Variants in ARHGEF6 observed in about 807,000 individuals in gnomAD.
ARHGEF6 encodes Rac/Cdc42 guanine nucleotide exchange factor 6, also known as rho guanine nucleotide exchange factor 6.
In ARHGEF6, 9 loss-of-function variants were observed where a neutral mutation model predicts 70.3. The observed-to-expected ratio is 0.13, with a 90% CI of 0.08 to 0.22. The LOEUF is 0.22. Ranked by LOEUF, ARHGEF6 falls within the 10% of genes least tolerant of loss-of-function variation. The pLI is 1.00. For missense variants in ARHGEF6, 470 were observed against 563.0 expected, an observed-to-expected ratio of 0.83 and a Z score of 1.67; for synonymous variants, 201 against 207.8, an observed-to-expected ratio of 0.97 and a Z score of 0.28.
intron 12 of ARHGEF6, among the ~76,000 whole-genome samples, chrX:136,684,863 C>T (rs1458336642): frequency 8.9e-6 from 1 of 111,984 alleles, no homozygotes; most frequent in Non-Finnish European, 1.9e-5. Flanking sequence ...TCCCAGCTGG[C>T]CTTTCTGCTT....
At chrX:136,711,656 G>A (rs1434858527) in intron 7 of ARHGEF6, among the ~76,000 whole-genome samples, 1 of 111,360 alleles carries the variant, frequency 9.0e-6, no homozygotes, top group Non-Finnish European at 1.9e-5. Context: ...TCCGCCTACC[G>A]AGTTCAAGCG....
intron 9 of ARHGEF6, among the ~76,000 whole-genome samples, chrX:136,695,688 C>T (rs945194347): frequency 8.9e-6 from 1 of 112,059 alleles, no homozygotes; most frequent in South Asian, 3.6e-4. Flanking sequence ...TTTATGAATT[C>T]ATCAAAGGAA....
intron 2 of ARHGEF6, among the ~76,000 whole-genome samples, chrX:136,778,593 G>A (rs1302871752): frequency 3.7e-5 from 4 of 109,276 alleles, no homozygotes; most frequent in East Asian, 2.9e-4. Flanking sequence ...GGGTTCAAGC[G>A]ATCCTCCCAC....
In ARHGEF6 at chrX:136,690,735, G is replaced by T. The variant is rs769789476; in HGVS notation, c.1060C>A (p.Gln354Lys). ...VLTQHSDELE[Q>K]FMENQGASSP... Reference sequence around the variant, plus strand: ...GATGCACCTTGATTTTCCATGAATTGTTCCAACTCATCACTAGCAAAAGAA... The same window carrying T: ...GATGCACCTTGATTTTCCATGAATTTTTCCAACTCATCACTAGCAAAAGAA... The change falls in exon 10 of 22, where the codon CAA becomes AAA. Residue 354 changes from glutamine (Q) to lysine (K), a missense_variant. Physicochemically the swap from Gln to Lys is moderately conservative, Grantham distance 53. Around this residue, in one of 3 missense-constraint regions of ARHGEF6, gnomAD observed 379 missense variants for 449.3 expected, o/e 0.84. Coordinates refer to ENST00000250617, the MANE Select transcript of ARHGEF6 (RefSeq NM_004840.3). 3 of 1,210,639 alleles carry T rather than the reference G, an allele frequency of 2.5e-6. No homozygotes were observed. Among genetic ancestry groups the T allele is most frequent in the Non-Finnish European group, 3.4e-6 (3 of 894,534 alleles).
chrX:136,673,170 T>C (rs770068016), intron 19 of ARHGEF6, among the ~76,000 whole-genome samples: 1 of 112,575 alleles, frequency 8.9e-6, no homozygotes, highest in South Asian at 3.7e-4. Flanking sequence ...ATTTAAAGTA[T>C]ATGGGAAGAT....
chrX:136,674,358 C>A (rs2076256437), intron 19 of ARHGEF6, among the ~76,000 whole-genome samples: 1 of 112,462 alleles, frequency 8.9e-6, no homozygotes, highest in South Asian at 3.7e-4. Flanking sequence ...TAATGGGAGA[C>A]AAAAGACATA....
intron 20 of ARHGEF6, among the ~76,000 whole-genome samples, chrX:136,671,618 A>G (rs1462773900): frequency 8.9e-6 from 1 of 112,337 alleles, no homozygotes; most frequent in Non-Finnish European, 1.9e-5. Context: ...GATGTCAAAA[A>G]TGTGAAAGCA....
intron 21 of ARHGEF6, 91 bp downstream of exon 21, chrX:136,669,391 C>T (rs1201433022): frequency 6.9e-6 from 6 of 866,228 alleles, no homozygotes; most frequent in African/African-American, 2.0e-5. Flanking sequence ...CGCTACCTTG[C>T]TCCTAGGCCT....
intron 3 of ARHGEF6, among the ~76,000 whole-genome samples, chrX:136,746,868 G>A (rs1393900208): frequency 9.0e-6 from 1 of 111,502 alleles, no homozygotes; most frequent in Non-Finnish European, 1.9e-5. Flanking sequence ...CCTAGATCCA[G>A]GGCAAGAGCT....
chrX:136,717,635 G>A (rs926131942), intron 6 of ARHGEF6, among the ~76,000 whole-genome samples: 9 of 111,869 alleles, frequency 8.0e-5, no homozygotes, highest in African/African-American at 2.9e-4. Context: ...TAGCAGCAAT[G>A]TATTTGATTA....
intron 6 of ARHGEF6, among the ~76,000 whole-genome samples, chrX:136,729,614 G>T (rs945025025): frequency 9.3e-6 from 1 of 108,084 alleles, no homozygotes; most frequent in Non-Finnish European, 1.9e-5. Flanking sequence ...GGCAGATAAC[G>T]AACTCAGGAG....
At chrX:136,704,762 G>A (rs947019144) in intron 9 of ARHGEF6, among the ~76,000 whole-genome samples, 2 of 111,620 alleles carry the variant, frequency 1.8e-5, no homozygotes, top group Non-Finnish European at 3.8e-5. Flanking sequence ...TCCCTCCCTC[G>A]ACATGTAGGG....
At chrX:136,720,789 G>A (rs1469300559) in intron 6 of ARHGEF6, among the ~76,000 whole-genome samples, 1 of 112,334 alleles carries the variant, frequency 8.9e-6, no homozygotes, top group African/African-American at 3.2e-5. Flanking sequence ...GAGCTAATGA[G>A]TGATTATAAC....
chrX:136,714,601 T>C (rs1196620346), intron 6 of ARHGEF6, among the ~76,000 whole-genome samples: 1 of 111,715 alleles, frequency 9.0e-6, no homozygotes, highest in Non-Finnish European at 1.9e-5. Context: ...TGTCCTTAAC[T>C]AGGAGAAGTG....
In ARHGEF6 at chrX:136,780,925, C is replaced by A; in HGVS notation, c.-43G>T. The A allele has an allele frequency of 8.3e-7, 1 of 1,210,164 alleles. No individual in the cohort carries two copies. The highest frequency in any genetic ancestry group is 3.0e-5 in the East Asian group (1 of 33,815). On this transcript the variant is annotated 5_prime_UTR_variant, in exon 1 of 22. Coordinates refer to ENST00000250617, the MANE Select transcript of ARHGEF6 (RefSeq NM_004840.3). Reference sequence around the variant, plus strand: ...TCCAAACAGCACTCTGGGGCAGCTGCAAGGACTAAGCCACATCCGCGATTG... The same window carrying A: ...TCCAAACAGCACTCTGGGGCAGCTGAAAGGACTAAGCCACATCCGCGATTG...
chrX:136,746,086 C>T (rs2077092954), intron 3 of ARHGEF6, among the ~76,000 whole-genome samples: 1 of 111,949 alleles, frequency 8.9e-6, no homozygotes, highest in Non-Finnish European at 1.9e-5. Flanking sequence ...AAGTCTAAAG[C>T]CCAAACATTC....
rs1569394866 is a variant in ARHGEF6 at position 136,688,006 on chromosome X, C to T, written c.1186-15G>A. 8.6e-7 allele frequency: 1 copy of T among 1,169,004 alleles called. No individual in the cohort carries two copies. The highest frequency in any genetic ancestry group is 3.0e-5 in the East Asian group (1 of 33,683). ...GGATGAGTATCCTATCAAAGGAATA[C>T]ATTTGAAAACAATGTTAGAGGAGAG... On this transcript the variant is annotated splice_polypyrimidine_tract_variant and intron_variant, in intron 10 of 21. Transcript: ENST00000250617.
chrX:136,743,473 C>T lies in ARHGEF6; in HGVS notation c.661+112G>A, dbSNP rs190754692. On this transcript the variant is annotated intron_variant, in intron 5 of 21. Coordinates refer to ENST00000250617, the MANE Select transcript of ARHGEF6 (RefSeq NM_004840.3). Reference sequence around the variant, plus strand: ...GTTCTACTCTTATTTTTGGCATACACATACAAGTATAAACAGCTTCTGTTA... The same window carrying T: ...GTTCTACTCTTATTTTTGGCATACATATACAAGTATAAACAGCTTCTGTTA... 4.7e-4 allele frequency: 348 copies of T among 737,238 alleles called. 2 individuals are homozygous for T. Among genetic ancestry groups the T allele is most frequent in the Non-Finnish European group, 4.6e-4 (222 of 483,084 alleles). 60.8% of individuals were successfully genotyped at this position (737,238 alleles called of 1,213,427 possible). A position where few individuals can be genotyped will look rare whatever the true frequency, so the allele number is the denominator to read the frequency against.
At chrX:136,768,407 A>G (rs935236804) in intron 2 of ARHGEF6, 1 of 112,653 alleles carries the variant, frequency 8.9e-6, no homozygotes, top group Admixed American at 9.4e-5. Context: ...GAAGAAAAGA[A>G]CTTGCCAAAA....
Sources: allele counts gnomAD v4.1 joint callset (sites outside exome capture counted in the v4.1 genomes callset), GRCh38; gene constraint gnomAD v4.1.1; regional missense constraint gnomAD v4.1.1; transcripts MANE v1.5; gene names NCBI Gene and HGNC (gene_info 2026-07-23, HGNC 2026-07-21).